Variants in DAB1 observed in about 807,000 individuals in gnomAD.
DAB1 encodes the protein DAB adaptor protein 1, also known as disabled homolog 1.
In DAB1, 15 loss-of-function variants were observed where a neutral mutation model predicts 64.6. The observed-to-expected ratio is 0.23, with a 90% CI of 0.16 to 0.36. DAB1 has a LOEUF of 0.36. Among genes scored for constraint, DAB1 ranks in the 10% least tolerant of loss-of-function variants. The pLI, the probability that DAB1 is intolerant of heterozygous loss-of-function variation, is 1.00. For synonymous variants in DAB1, 235 were observed against 251.9 expected (o/e 0.93, Z 0.64); for missense variants, 596 against 706.7 (o/e 0.84, Z 1.78).
At chr1:57,147,016 A>T (rs547795779) in intron 2 of DAB1, among the ~76,000 whole-genome samples, 108 of 148,500 alleles carry the variant, frequency 7.3e-4, no homozygotes, top group African/African-American at 2.5e-3. Flanking sequence ...TACAAATGGT[A>T]GCTGTCCCAC....
intron 6 of DAB1, among the ~76,000 whole-genome samples, chr1:57,692,494 A>AAG (rs1010712781): frequency 2.0e-5 from 3 of 152,042 alleles, no homozygotes; most frequent in Admixed American, 2.0e-4. Flanking sequence ...GGCAAAGTCA[A>AAG]AGAGAGAGAG....
intron 2 of DAB1, among the ~76,000 whole-genome samples, chr1:57,249,243 G>A (rs551352869): frequency 1.3e-5 from 2 of 152,290 alleles, no homozygotes; most frequent in South Asian, 4.1e-4. Context: ...TTTGCACTAT[G>A]GCAATTTATT....
chr1:58,233,822 A>G (rs1659894125), intron 4 of DAB1, among the ~76,000 whole-genome samples: 4 of 152,312 alleles, frequency 2.6e-5, no homozygotes, highest in Middle Eastern at 3.4e-3. Flanking sequence ...AACACATGAC[A>G]GTTTCTCACC....
intron 4 of DAB1, among the ~76,000 whole-genome samples, chr1:58,338,094 T>C (rs964436357): frequency 3.3e-5 from 5 of 152,228 alleles, no homozygotes; most frequent in African/African-American, 1.2e-4. Context: ...CCAAAGTCAC[T>C]CTTGAACACC....
chr1:57,928,702 A>C (rs1644913709), intron 5 of DAB1, among the ~76,000 whole-genome samples: 1 of 152,194 alleles, frequency 6.6e-6, no homozygotes, highest in African/African-American at 2.4e-5. Flanking sequence ...GAAATCACAA[A>C]GTACGTAGCC....
chr1:58,213,038 G>C (rs1205957216), intron 4 of DAB1, among the ~76,000 whole-genome samples: 1 of 152,122 alleles, frequency 6.6e-6, no homozygotes, highest in African/African-American at 2.4e-5. Flanking sequence ...CAAAATAGAC[G>C]TAACACTGCA....
chr1:57,256,937 C>T (rs12144810), intron 2 of DAB1, among the ~76,000 whole-genome samples: 5,830 of 152,208 alleles, frequency 0.038, 335 homozygotes, highest in East Asian at 0.29. Flanking sequence ...AGTGCCTAGA[C>T]CTAGTCTGAC....
intron 8 of DAB1, among the ~76,000 whole-genome samples, chr1:57,068,981 C>A (rs1651192641): frequency 6.6e-6 from 1 of 152,152 alleles, no homozygotes; most frequent in African/African-American, 2.4e-5. Flanking sequence ...TAAATTTGTG[C>A]TTTATTTTCA....
At chr1:57,118,921 G>T in intron 4 of DAB1, among the ~76,000 whole-genome samples, 1 of 152,258 alleles carries the variant, frequency 6.6e-6, no homozygotes, top group East Asian at 1.9e-4. Context: ...TATGATGATA[G>T]AACAGCAGTA....
intron 3 of DAB1, among the ~76,000 whole-genome samples, chr1:58,449,885 T>C (rs1276644549): frequency 6.6e-6 from 1 of 152,224 alleles, no homozygotes; most frequent in Non-Finnish European, 1.5e-5. Flanking sequence ...ATAGTAACAA[T>C]ATTTCATGTC....
chr1:57,465,181 G>A (rs1185782735), intron 7 of DAB1, among the ~76,000 whole-genome samples: 1 of 152,132 alleles, frequency 6.6e-6, no homozygotes, highest in African/African-American at 2.4e-5. Context: ...ATTAAATACG[G>A]AAAAATTCAG....
intron 7 of DAB1, among the ~76,000 whole-genome samples, chr1:57,542,622 A>G (rs555082613): frequency 1.3e-5 from 2 of 152,056 alleles, no homozygotes; most frequent in East Asian, 3.9e-4. Context: ...GGATTTATCC[A>G]GGGTTAATGG....
intron 2 of DAB1, among the ~76,000 whole-genome samples, chr1:57,254,812 T>A (rs197649): frequency 0.5 from 75,513 of 151,868 alleles, 19,977 homozygotes; most frequent in Admixed American, 0.62. Flanking sequence ...ATTTGGGATA[T>A]TTCCCTCCAA....
chr1:57,541,464 T>C (rs1644803051), intron 7 of DAB1, among the ~76,000 whole-genome samples: 1 of 152,274 alleles, frequency 6.6e-6, no homozygotes. Context: ...CTGTGGAAAC[T>C]GAGGCTCAAA....
intron 1 of DAB1, among the ~76,000 whole-genome samples, chr1:57,367,833 C>T (rs1458437095): frequency 1.3e-5 from 2 of 152,102 alleles, no homozygotes; most frequent in East Asian, 1.9e-4. Context: ...AAGCAGGAAC[C>T]CAGCCTTCCC....
chr1:57,850,328 A>G (rs1202432541), intron 1 of DAB1, among the ~76,000 whole-genome samples: 7 of 152,198 alleles, frequency 4.6e-5, no homozygotes, highest in African/African-American at 1.7e-4. Context: ...ATTAGATTTG[A>G]TCTGTACTCT....
chr1:57,560,545 G>A (rs530071468), intron 7 of DAB1, among the ~76,000 whole-genome samples: 1 of 152,148 alleles, frequency 6.6e-6, no homozygotes, highest in African/African-American at 2.4e-5. Flanking sequence ...ACACCTAGTG[G>A]GTCTATGTGG....
At chr1:57,273,625 TC>T (rs1671224986) in intron 2 of DAB1, among the ~76,000 whole-genome samples, 1 of 91,016 alleles carries the variant, frequency 1.1e-5, no homozygotes, top group African/African-American at 4.5e-5. Context: ...CCTCCCTCCC[TC>T]CCTCCCTCCC....
intron 7 of DAB1, among the ~76,000 whole-genome samples, chr1:57,483,621 G>GT (rs890753318): frequency 5.3e-5 from 8 of 151,662 alleles, no homozygotes; most frequent in Admixed American, 1.3e-4. Flanking sequence ...TTCTGTTTTT[G>GT]TTTTTTTTGA....
Sources: allele counts gnomAD v4.1 joint callset (sites outside exome capture counted in the v4.1 genomes callset), GRCh38; gene constraint gnomAD v4.1.1; transcripts MANE v1.5; gene names NCBI Gene and HGNC (gene_info 2026-07-23, HGNC 2026-07-21).